The following GRIK4 variants were observed in gnomAD, a reference collection of about 807,000 sequenced individuals.
GRIK4 encodes glutamate ionotropic receptor kainate type subunit 4.
Under a neutral mutation model 104.9 loss-of-function variants are expected in GRIK4, and 40 were observed. That is an observed-to-expected ratio of 0.38 (90% confidence interval 0.30 to 0.50). The LOEUF is 0.50. Among genes scored for constraint, GRIK4 ranks in the 20% least tolerant of loss-of-function variants. The pLI is 0.93. For synonymous variants in GRIK4, 485 were observed against 524.9 expected (o/e 0.92, Z 1.04); for missense variants, 1,047 against 1,308.1 (o/e 0.80, Z 3.08).
chr11:120,544,322 T>A (rs529750770), intron 1 of GRIK4, among the ~76,000 whole-genome samples: 61 of 152,170 alleles, frequency 4.0e-4, no homozygotes, highest in African/African-American at 1.4e-3. Context: ...AGTGGTTAAA[T>A]AATACTATTT....
intron 13 of GRIK4, among the ~76,000 whole-genome samples, chr11:120,918,327 G>C (rs1943154466): frequency 6.6e-6 from 1 of 152,178 alleles, no homozygotes; most frequent in Non-Finnish European, 1.5e-5. Flanking sequence ...CAACCCTATT[G>C]ACCCATTCTG....
intron 19 of GRIK4, among the ~76,000 whole-genome samples, chr11:120,979,345 T>C (rs1944613445): frequency 6.6e-6 from 1 of 152,222 alleles, no homozygotes; most frequent in Non-Finnish European, 1.5e-5. Context: ...GTGCAATGAT[T>C]GCTGAGAAAG....
At chr11:120,535,391 A>G (rs1947964232) in intron 1 of GRIK4, among the ~76,000 whole-genome samples, 1 of 146,988 alleles carries the variant, frequency 6.8e-6, no homozygotes, top group Non-Finnish European at 1.5e-5. Flanking sequence ...AGAGGGAGGG[A>G]GGGAAGGAGG....
intron 9 of GRIK4, among the ~76,000 whole-genome samples, chr11:120,866,614 G>T (rs1257366339): frequency 6.6e-6 from 1 of 152,200 alleles, no homozygotes; most frequent in Non-Finnish European, 1.5e-5. Flanking sequence ...TGTTCTCTGA[G>T]GCTCTCTTGG....
chr11:120,779,133 C>T (rs372732738), intron 3 of GRIK4, among the ~76,000 whole-genome samples: 2 of 152,184 alleles, frequency 1.3e-5, no homozygotes, highest in East Asian at 1.9e-4. Context: ...ATTGACTGGA[C>T]ATGATTTCCT....
chr11:120,742,794 A>G (rs1951359857), intron 3 of GRIK4, among the ~76,000 whole-genome samples: 1 of 152,194 alleles, frequency 6.6e-6, no homozygotes, highest in East Asian at 1.9e-4. Context: ...AAATCATTCT[A>G]CCATAAAGAC....
At chr11:120,946,095 C>CTGTGTGAATGGAGGGGAATA (rs1462235566) in intron 14 of GRIK4, among the ~76,000 whole-genome samples, 4 of 152,194 alleles carry the variant, frequency 2.6e-5, no homozygotes, top group African/African-American at 7.2e-5. Flanking sequence ...ACTTTGAGCT[C>CTGTGTGAATGGAGGGGAATA]TCAAATATCT....
At chr11:120,767,815 A>C (rs1951866021) in intron 3 of GRIK4, among the ~76,000 whole-genome samples, 1 of 151,918 alleles carries the variant, frequency 6.6e-6, no homozygotes, top group Non-Finnish European at 1.5e-5. Context: ...TCATTTCCCC[A>C]TTGTGTCCTC....
intron 11 of GRIK4, among the ~76,000 whole-genome samples, chr11:120,889,257 T>C (rs1955205140): frequency 6.6e-6 from 1 of 152,242 alleles, no homozygotes; most frequent in Non-Finnish European, 1.5e-5. Flanking sequence ...CGGAGGCTAA[T>C]ATTACAAACC....
At chr11:120,584,596 AACC>A (rs1267162106) in intron 1 of GRIK4, among the ~76,000 whole-genome samples, 1 of 152,184 alleles carries the variant, frequency 6.6e-6, no homozygotes, top group Non-Finnish European at 1.5e-5. Context: ...GACAGCACCA[AACC>A]ACAAGGGATC....
In GRIK4 at chr11:120,952,226, T is replaced by C. The variant is rs891182267; in HGVS notation, c.1591-629T>C. Among the ~76,000 whole-genome samples the C allele has an allele frequency of 1.3e-5, 2 of 152,092 alleles. No individual in the cohort carries two copies. Among genetic ancestry groups the C allele is most frequent in the Non-Finnish European group, 2.9e-5 (2 of 68,002 alleles). On this transcript the variant is annotated intron_variant, in intron 14 of 20. Transcript: ENST00000527524. This position sits in a 1 kb window ranked among gnomAD's most constrained non-coding sequence, Gnocchi z 5.2. Reference sequence around the variant, plus strand: ...GCCCTGGGCTTTGAGTCAGGAAACATGGGCTTTTTTGGGTCCCGGCTCTTC... The same window carrying C: ...GCCCTGGGCTTTGAGTCAGGAAACACGGGCTTTTTTGGGTCCCGGCTCTTC...
intron 3 of GRIK4, among the ~76,000 whole-genome samples, chr11:120,707,111 G>T (rs954669512): frequency 4.6e-5 from 7 of 152,180 alleles, no homozygotes; most frequent in Non-Finnish European, 8.8e-5. Context: ...GGACAGGGCT[G>T]CTCAGGAGGA....
At chr11:120,523,831 C>A (rs1299069762) in intron 1 of GRIK4, among the ~76,000 whole-genome samples, 2 of 151,448 alleles carry the variant, frequency 1.3e-5, no homozygotes, top group Non-Finnish European at 3.0e-5. Flanking sequence ...AAGGTCAGGC[C>A]ACCCTTGGAT....
At chr11:120,801,350 C>T (rs554644897) in intron 3 of GRIK4, among the ~76,000 whole-genome samples, 65 of 152,268 alleles carry the variant, frequency 4.3e-4, no homozygotes, top group African/African-American at 6.7e-4. Context: ...CTCAGCCTCC[C>T]GAGTAGCTGG....
intron 3 of GRIK4, among the ~76,000 whole-genome samples, chr11:120,716,213 A>C (rs535952120): frequency 7.6e-6 from 1 of 132,270 alleles, no homozygotes; most frequent in South Asian, 2.6e-4. Flanking sequence ...TTCTGTAGTT[A>C]TAAAGCTCAT....
At chr11:120,893,779 A>C (rs1319885540) in intron 11 of GRIK4, among the ~76,000 whole-genome samples, 3 of 152,212 alleles carry the variant, frequency 2.0e-5, no homozygotes, top group Admixed American at 1.3e-4. Context: ...AATGCTACAC[A>C]TGAGGGTCTT....
intron 1 of GRIK4, among the ~76,000 whole-genome samples, chr11:120,639,490 G>A (rs1324495026): frequency 6.6e-6 from 1 of 152,146 alleles, no homozygotes; most frequent in Non-Finnish European, 1.5e-5. Flanking sequence ...TCCTGGGGAA[G>A]TCATTCCCCT....
intron 1 of GRIK4, among the ~76,000 whole-genome samples, chr11:120,636,992 ACCAGCTTCTGCCTGCTTCGGGT>A (rs1948737441): frequency 6.6e-6 from 1 of 152,112 alleles, no homozygotes; most frequent in African/African-American, 2.4e-5. Flanking sequence ...CTGGTGCAAA[ACCAGCTTCTGCCTGCTTCGGGT>A]CTCTGAGGAC....
Position 120,902,437 on chromosome 11 carries a change from T to A in GRIK4, c.1273-2853T>A, listed in dbSNP as rs147584115. Reference sequence around the variant, plus strand: ...TTTGAATATGTCAATAAGTTTTAAATTAACTTGAGAGTAGTGAGTATTTGG... The same window carrying A: ...TTTGAATATGTCAATAAGTTTTAAAATAACTTGAGAGTAGTGAGTATTTGG... On this transcript the variant is annotated intron_variant, in intron 12 of 20. Coordinates refer to ENST00000527524, the MANE Select transcript of GRIK4 (RefSeq NM_014619.5). The surrounding 1 kb of genome is among the most constrained non-coding windows in gnomAD (Gnocchi z 4.5). Among the ~76,000 whole-genome samples, 1 of 152,250 alleles carries A rather than the reference T, an allele frequency of 6.6e-6. No homozygotes were observed. Among genetic ancestry groups the A allele is most frequent in the African/African-American group, 2.4e-5 (1 of 41,538 alleles).
Sources: gnomAD v4.1 joint callset for allele counts (sites outside exome capture counted in the v4.1 genomes callset) on GRCh38, gnomAD v4.1.1 for gene constraint, Gnocchi (gnomAD v3.1) non-coding constraint, MANE v1.5 for transcripts, NCBI Gene and HGNC (gene_info 2026-07-23, HGNC 2026-07-21) for gene names.